The following FGF13 variants were observed in gnomAD, a reference collection of about 807,000 sequenced individuals.
FGF13 encodes the protein fibroblast growth factor homologous factor 2.
In FGF13, 2 loss-of-function variants were observed where a neutral mutation model predicts 19.5. The observed-to-expected ratio is 0.10, with a 90% confidence interval of 0.04 to 0.32. FGF13 has a LOEUF of 0.32. Among genes scored for constraint, FGF13 ranks in the 10% least tolerant of loss-of-function variants. The pLI is 1.00. For synonymous variants in FGF13, 72 were observed against 76.9 expected (o/e 0.94, Z 0.33); for missense variants, 113 against 192.7 (o/e 0.59, Z 2.45).
chrX:139,092,010 A>G (rs187092684), intron 1 of FGF13, among the ~76,000 whole-genome samples: 88 of 110,968 alleles, frequency 7.9e-4, no homozygotes, highest in African/African-American at 2.8e-3. Context: ...GAGGCCAGAG[A>G]AGGAAGGCAT....
intron 1 of FGF13, among the ~76,000 whole-genome samples, chrX:139,113,324 G>C (rs959883893): frequency 1.8e-5 from 2 of 110,918 alleles, no homozygotes; most frequent in African/African-American, 6.6e-5. Flanking sequence ...GCTCCAAGAA[G>C]GTTCTTACCA....
At chrX:139,046,546 G>A (rs1207601091) in intron 1 of FGF13, among the ~76,000 whole-genome samples, 1 of 111,303 alleles carries the variant, frequency 9.0e-6, no homozygotes, top group Non-Finnish European at 1.9e-5. Flanking sequence ...TTTCCCTTGG[G>A]TTTGCTGTCC....
chrX:138,918,164 C>CA (rs3077321), intron 1 of FGF13, among the ~76,000 whole-genome samples: 2,901 of 101,230 alleles, frequency 0.029, 83 homozygotes, highest in African/African-American at 0.089. Context: ...AAACAGAAGA[C>CA]AAAAAAAAAA....
intron 1 of FGF13, among the ~76,000 whole-genome samples, chrX:138,732,152 G>GT (rs770471222): frequency 9.0e-6 from 1 of 111,528 alleles, no homozygotes; most frequent in Non-Finnish European, 1.9e-5. Flanking sequence ...ATATAAAATG[G>GT]TACAGCCATT....
At chrX:139,034,021 G>A (rs5976252) in intron 1 of FGF13, among the ~76,000 whole-genome samples, 4,461 of 111,499 alleles carry the variant, frequency 0.04, 198 homozygotes, top group African/African-American at 0.14. Flanking sequence ...GAATGATTAT[G>A]GCGTCCTTCT....
chrX:138,938,915 T>A (rs1033128480), intron 1 of FGF13, among the ~76,000 whole-genome samples: 1 of 111,311 alleles, frequency 9.0e-6, no homozygotes, highest in African/African-American at 3.3e-5. Flanking sequence ...CAGCTTCTTG[T>A]GCGGGACTGG....
chrX:138,823,678 A>T (rs1333374165), intron 3 of FGF13, among the ~76,000 whole-genome samples: 1 of 111,500 alleles, frequency 9.0e-6, no homozygotes, highest in African/African-American at 3.3e-5. Flanking sequence ...TGCTATTACT[A>T]CTATAAGTAC....
At chrX:139,175,474 G>T (rs1253263154) in intron 1 of FGF13, among the ~76,000 whole-genome samples, 1 of 111,948 alleles carries the variant, frequency 8.9e-6, no homozygotes, top group Admixed American at 9.5e-5. Context: ...ATATTGTCTT[G>T]TGCCAGTTTT....
chrX:139,012,182 A>C (rs1275679020), intron 1 of FGF13, among the ~76,000 whole-genome samples: 1 of 112,056 alleles, frequency 8.9e-6, no homozygotes, highest in Non-Finnish European at 1.9e-5. Flanking sequence ...ATACTGCTGA[A>C]ATAAATTATA....
intron 1 of FGF13, among the ~76,000 whole-genome samples, chrX:139,165,876 C>T (rs911077727): frequency 4.5e-5 from 5 of 111,573 alleles, no homozygotes; most frequent in African/African-American, 1.6e-4. Flanking sequence ...TTTGTTTTGG[C>T]CATTTTCTCC....
intron 1 of FGF13, among the ~76,000 whole-genome samples, chrX:138,985,514 C>A (rs919396000): frequency 2.7e-5 from 3 of 111,915 alleles, no homozygotes; most frequent in African/African-American, 9.8e-5. Context: ...AATCTAAATA[C>A]CCTACCAACC....
At chrX:139,152,352 T>G (rs1044981230) in intron 1 of FGF13, among the ~76,000 whole-genome samples, 1 of 98,843 alleles carries the variant, frequency 1.0e-5, no homozygotes, top group African/African-American at 3.5e-5. Flanking sequence ...GAGGCCAGTA[T>G]GTACTGGGCC....
At chrX:138,676,939 A>G (rs2089674057) in intron 3 of FGF13, among the ~76,000 whole-genome samples, 1 of 112,486 alleles carries the variant, frequency 8.9e-6, no homozygotes, top group African/African-American at 3.2e-5. Context: ...TTATGGACAC[A>G]GTCACTATTT....
chrX:139,125,784 G>T (rs1373809996), intron 1 of FGF13, among the ~76,000 whole-genome samples: 1 of 111,323 alleles, frequency 9.0e-6, no homozygotes, highest in Non-Finnish European at 1.9e-5. Context: ...GAAAGGGATA[G>T]TCTGGTAGGT....
At chrX:139,003,257 G>C (rs1456898937) in intron 1 of FGF13, among the ~76,000 whole-genome samples, 2 of 109,384 alleles carry the variant, frequency 1.8e-5, no homozygotes, top group Admixed American at 9.7e-5. Context: ...CAGCTCTTAA[G>C]GCAGCGCGTC....
intron 3 of FGF13, among the ~76,000 whole-genome samples, chrX:138,799,568 T>C (rs931934903): frequency 5.4e-5 from 6 of 111,557 alleles, no homozygotes; most frequent in African/African-American, 1.6e-4. Flanking sequence ...TGTTGATGTC[T>C]ATTAGGTCAG....
chrX:138,778,621 C>T (rs1032376067), intron 3 of FGF13, among the ~76,000 whole-genome samples: 1 of 112,301 alleles, frequency 8.9e-6, no homozygotes, highest in East Asian at 2.8e-4. Context: ...GCTTAAAAAA[C>T]GGCACACCGG....
At chrX:139,020,617 A>G (rs1179115349) in intron 1 of FGF13, among the ~76,000 whole-genome samples, 1 of 111,582 alleles carries the variant, frequency 9.0e-6, no homozygotes, top group Non-Finnish European at 1.9e-5. Context: ...ATCAGCTTAA[A>G]TTCCACCTTT....
At chrX:139,146,605 A>G (rs1000677626) in intron 1 of FGF13, among the ~76,000 whole-genome samples, 5 of 112,069 alleles carry the variant, frequency 4.5e-5, no homozygotes, top group African/African-American at 1.6e-4. Context: ...TTGACCCTGC[A>G]ATCCCATTAC....
Sources: allele counts gnomAD v4.1 joint callset (sites outside exome capture counted in the v4.1 genomes callset), GRCh38; gene constraint gnomAD v4.1.1; transcripts MANE v1.5; gene names NCBI Gene and HGNC (gene_info 2026-07-23, HGNC 2026-07-21).